Variants in SGK1 observed in about 807,000 individuals in gnomAD.
SGK1 encodes serum/glucocorticoid regulated kinase 1.
SGK1 carries 26 observed loss-of-function variants against 64.2 expected under a neutral mutation model. That is an observed-to-expected ratio of 0.40 (90% CI 0.30 to 0.56). SGK1 has a LOEUF of 0.56. Ranked by LOEUF, SGK1 falls within the 20% of genes least tolerant of loss-of-function variation. The pLI is 0.38. For missense variants in SGK1, 519 were observed against 645.6 expected, an observed-to-expected ratio of 0.80 and a Z score of 2.12; for synonymous variants, 265 against 239.7, an observed-to-expected ratio of 1.11 and a Z score of -0.98.
At chr6:134,206,359 ATATATATATATATATATATATATAT>A (rs1474136307) in intron 3 of SGK1, among the ~76,000 whole-genome samples, 6 of 24,522 alleles carry the variant, frequency 2.4e-4, no homozygotes, top group African/African-American at 6.7e-4. Flanking sequence ...ATATATATAT[ATATATATATATATATATATATATAT>A]TTTTTTTTTT....
At chr6:134,296,812 T>C (rs1460420275) in intron 1 of SGK1, among the ~76,000 whole-genome samples, 6 of 151,732 alleles carry the variant, frequency 4.0e-5, no homozygotes, top group African/African-American at 9.7e-5. Flanking sequence ...TTGAATTGTT[T>C]TGTAGCTGGA....
At chr6:134,175,655 C>A (rs1180315690) in intron 3 of SGK1, 2 of 1,506,812 alleles carry the variant, frequency 1.3e-6, no homozygotes, top group Non-Finnish European at 1.8e-6. Context: ...CCCTGCATCT[C>A]CCCCATGGGC....
chr6:134,259,869 A>G (rs767775038), intron 2 of SGK1: 1 of 152,230 alleles, frequency 6.6e-6, no homozygotes, highest in Non-Finnish European at 1.5e-5. Context: ...CAAATGCACC[A>G]TGACAAATGT....
chr6:134,220,957 G>C (rs1406115332), intron 2 of SGK1, among the ~76,000 whole-genome samples: 1 of 147,020 alleles, frequency 6.8e-6, no homozygotes, highest in Non-Finnish European at 1.5e-5. Flanking sequence ...ACTCCAGCCT[G>C]ATCAACAGAG....
At chr6:134,183,542 A>C (rs1775364519) in intron 3 of SGK1, among the ~76,000 whole-genome samples, 1 of 152,202 alleles carries the variant, frequency 6.6e-6, no homozygotes, top group Non-Finnish European at 1.5e-5. Flanking sequence ...ATTTTGTAAA[A>C]TGGAACTGCA....
rs778083842 is a variant in SGK1 at position 134,317,394 on chromosome 6, G to C, written c.67C>G (p.Arg23Gly). Residue 23 changes from arginine (R) to glycine (G), a missense_variant and splice_region_variant, in exon 1 of 14, where the codon CGG (arginine) becomes GGG (glycine). Around this residue, in one of 2 missense-constraint regions of SGK1, gnomAD observed 241 missense variants for 236.9 expected, o/e 1.02. Coordinates refer to ENST00000367858, the MANE Select transcript of SGK1 (RefSeq NM_001143676.3). ...KCSAFQFFKKRVRRWIKSPMV... is the reference protein window; with the variant it reads ...KCSAFQFFKKGVRRWIKSPMV... The stretch of plus-strand genomic sequence containing the variant: ...AAATAAGCAAAACCTGTCCTTACCC[G>C]CTTCTTAAAAAATTGGAAGGCTGAG... 2.5e-6 allele frequency: 4 copies of C among 1,587,506 alleles called. No homozygotes were observed. The highest frequency in any genetic ancestry group is 3.5e-6 in the Non-Finnish European group (4 of 1,155,742).
intron 2 of SGK1, among the ~76,000 whole-genome samples, chr6:134,251,816 G>A (rs1776609823): frequency 1.3e-5 from 2 of 152,098 alleles, no homozygotes; most frequent in Admixed American, 6.6e-5. Context: ...GTGCAGTGGT[G>A]CAATCATTGT....
intron 3 of SGK1, among the ~76,000 whole-genome samples, chr6:134,190,361 C>T (rs1775491078): frequency 6.6e-6 from 1 of 150,888 alleles, no homozygotes; most frequent in African/African-American, 2.4e-5. Flanking sequence ...TCTCGGCTCA[C>T]TGCAAACTCC....
At chr6:134,270,244 C>T (rs1202706861) in intron 1 of SGK1, among the ~76,000 whole-genome samples, 1 of 147,710 alleles carries the variant, frequency 6.8e-6, no homozygotes, top group African/African-American at 2.4e-5. Context: ...TGTCTTTTCT[C>T]TAGTGTTTGT....
rs116444017 is a variant in SGK1 at position 134,206,036 on chromosome 6, C to T, written c.361+1320G>A. Among the ~76,000 whole-genome samples the T allele has an allele frequency of 1.0e-2, 1,520 of 152,072 alleles. 23 individuals are homozygous for T. The highest frequency in any genetic ancestry group is 0.033 in the African/African-American group (1,372 of 41,466). On this transcript the variant is annotated intron_variant, in intron 3 of 13. Coordinates refer to ENST00000367858, the MANE Select transcript of SGK1 (RefSeq NM_001143676.3). ...GAACATACCCTACTCTTTGTCTAAG[C>T]GTAATTTCTAATCATATAACCTGAA...
intron 2 of SGK1, among the ~76,000 whole-genome samples, chr6:134,219,021 C>T (rs887806344): frequency 7.3e-5 from 11 of 150,866 alleles, no homozygotes; most frequent in East Asian, 2.0e-4. Context: ...CTTGCTCTGT[C>T]GCCCAGGCTG....
chr6:134,242,685 G>A (rs948166666), intron 2 of SGK1, among the ~76,000 whole-genome samples: 7 of 149,460 alleles, frequency 4.7e-5, no homozygotes, highest in African/African-American at 1.2e-4. Flanking sequence ...GGCTGGTCTC[G>A]AACTCCTGGC....
intron 10 of SGK1, 148 bp from the exon 11 acceptor site, chr6:134,171,880 T>C (rs1775039013): frequency 4.7e-6 from 3 of 639,094 alleles, no homozygotes; most frequent in Admixed American, 5.8e-5. Context: ...ACTGCTGGAC[T>C]TTTTGAGGGT....
At chr6:134,284,845 A>G (rs1777156774) in intron 1 of SGK1, among the ~76,000 whole-genome samples, 1 of 152,172 alleles carries the variant, frequency 6.6e-6, no homozygotes, top group South Asian at 2.1e-4. Flanking sequence ...GCTACACCCA[A>G]GTTGTGGCAA....
chr6:134,226,363 T>C (rs972062089), intron 2 of SGK1, among the ~76,000 whole-genome samples: 3 of 151,814 alleles, frequency 2.0e-5, no homozygotes, highest in Non-Finnish European at 4.4e-5. Flanking sequence ...GGTGTTTTTT[T>C]TTCTTTTACT....
chr6:134,298,158 C>T lies in SGK1; in HGVS notation c.69+19234G>A, dbSNP rs1777391420. 2.3e-5 allele frequency: 30 copies of T among 1,322,554 alleles called. No individual in the cohort carries two copies. In the South Asian group the frequency reaches 3.5e-4, roughly 15 times the overall value. 81.9% of individuals were successfully genotyped at this position (1,322,554 alleles called of 1,614,324 possible). The stretch of plus-strand genomic sequence containing the variant: ...ATGAGGACAGATTCATTCTCCATCT[C>T]TGTAAGCTTATTGATCTCATCCTCA... On this transcript the variant is annotated intron_variant, in intron 1 of 13. Coordinates refer to ENST00000367858, the MANE Select transcript of SGK1 (RefSeq NM_001143676.3).
rs141365339 is a variant in SGK1 at position 134,170,370 on chromosome 6, A to G, written c.1479T>C (p.Ile493=). 2.8e-5 allele frequency: 46 copies of G among 1,614,156 alleles called. No individual in the cohort carries two copies. In the Middle Eastern group the frequency reaches 8.2e-4, roughly 29 times the overall value. ...EFTEEPVPNS[I]GKSPDSVLVT... The stretch of plus-strand genomic sequence containing the variant: ...CGAGGACGCTGTCAGGGGACTTGCC[A>G]ATGGAGTTGGGGACAGGCTCTTCGG... The change falls in exon 14 of 14, where the codon ATT becomes ATC. Residue 493 remains isoleucine, a synonymous_variant. Transcript: ENST00000367858.
At chr6:134,171,246 A>G in intron 11 of SGK1, 68 bp from the exon 12 acceptor site, 4 of 1,406,714 alleles carry the variant, frequency 2.8e-6, no homozygotes, top group Non-Finnish European at 3.0e-6. Context: ...ACCAGTAGAG[A>G]AAAAGATATA....
At chr6:134,284,792 G>A (rs776474285) in intron 1 of SGK1, among the ~76,000 whole-genome samples, 3 of 151,976 alleles carry the variant, frequency 2.0e-5, no homozygotes, top group Non-Finnish European at 4.4e-5. Flanking sequence ...CCAATATTTG[G>A]TTTTCCATTC....
Sources: gnomAD v4.1 joint callset for allele counts (sites outside exome capture counted in the v4.1 genomes callset) on GRCh38, gnomAD v4.1.1 for gene constraint, gnomAD v4.1.1 regional missense constraint, MANE v1.5 for transcripts, NCBI Gene and HGNC (gene_info 2026-07-23, HGNC 2026-07-21) for gene names.